The following NR4A3 variants were observed in gnomAD, a reference collection of about 807,000 sequenced individuals.
The protein encoded by NR4A3 is nuclear receptor subfamily 4 group A member 3.
Under a neutral mutation model 55.6 loss-of-function variants are expected in NR4A3, and 13 were observed. That is an observed-to-expected ratio of 0.23 (90% CI 0.15 to 0.37). The LOEUF (loss-of-function observed/expected upper bound fraction) is 0.37, where lower values mean the gene tolerates loss of function less well. Among genes scored for constraint, NR4A3 ranks in the 10% least tolerant of loss-of-function variants. NR4A3 has a pLI of 1.00. For missense variants in NR4A3, 646 were observed against 822.8 expected, an observed-to-expected ratio of 0.79 and a Z score of 2.63; for synonymous variants, 342 against 357.9, an observed-to-expected ratio of 0.96 and a Z score of 0.50.
chr9:99,834,776 GC>G, intron 5 of NR4A3: 1 of 985,250 alleles, frequency 1.0e-6, no homozygotes, highest in Non-Finnish European at 1.2e-6. Context: ...AGGCTGCGAA[GC>G]CTCCTCTCTG....
rs890382191 is a variant in NR4A3 at position 99,824,375 on chromosome 9, G to A, written c.-176-1284G>A. On this transcript the variant is annotated intron_variant, in intron 1 of 7. Coordinates refer to ENST00000395097, the MANE Select transcript of NR4A3 (RefSeq NM_006981.4). ...ACGGGAATGCGGGCACCCACTGAAG[G>A]GGCGGGTGGGGGATTGCTGGAGACC... Among the ~76,000 whole-genome samples the A allele has an allele frequency of 4.6e-5, 7 of 152,362 alleles. No individual in the cohort carries two copies. In the South Asian group the frequency reaches 1.0e-3, roughly 23 times the overall value.
chr9:99,860,534 CT>C (rs1205467238), intron 7 of NR4A3, among the ~76,000 whole-genome samples: 1 of 152,154 alleles, frequency 6.6e-6, no homozygotes, highest in Non-Finnish European at 1.5e-5. Flanking sequence ...ACAGCCTGTT[CT>C]TTTGTTTTGG....
chr9:99,844,617 G>A (rs1827720572), intron 5 of NR4A3, 32 bp from the exon 6 acceptor site: 11 of 1,590,116 alleles, frequency 6.9e-6, no homozygotes, highest in Non-Finnish European at 9.5e-6. Flanking sequence ...ACTGAAGCAG[G>A]ATAATGCTGC....
chr9:99,851,383 G>A (rs1357188504), intron 7 of NR4A3, among the ~76,000 whole-genome samples: 1 of 151,966 alleles, frequency 6.6e-6, no homozygotes, highest in Non-Finnish European at 1.5e-5. Context: ...GTATCAGCTG[G>A]GCTATTTACA....
At chr9:99,858,026 G>A (rs1025207063) in intron 7 of NR4A3, among the ~76,000 whole-genome samples, 2 of 152,094 alleles carry the variant, frequency 1.3e-5, no homozygotes, top group African/African-American at 4.8e-5. Flanking sequence ...CTATGTACTA[G>A]GCTTGGTGCT....
chr9:99,849,797 G>A (rs1827817783), intron 7 of NR4A3, among the ~76,000 whole-genome samples: 1 of 152,318 alleles, frequency 6.6e-6, no homozygotes, highest in Admixed American at 6.5e-5. Flanking sequence ...ATGTCATTGG[G>A]TTTTCAGAGA....
rs114768226 is a variant in NR4A3 at position 99,858,526 on chromosome 9, G to C, written c.1634-5094G>C. ...TTATAACATCGCTTGCCACAGAATA[G>C]GTGTTCAATAAATATTTGTTGAAAG... On this transcript the variant is annotated intron_variant, in intron 7 of 7. Transcript: ENST00000395097. Among the ~76,000 whole-genome samples, 328 of 152,332 alleles carry C rather than the reference G, an allele frequency of 2.2e-3. 1 individual carries two copies. Among genetic ancestry groups the C allele is most frequent in the African/African-American group, 7.5e-3 (311 of 41,580 alleles).
intron 5 of NR4A3, among the ~76,000 whole-genome samples, chr9:99,843,776 C>CA (rs1827699241): frequency 6.7e-6 from 1 of 148,482 alleles, no homozygotes; most frequent in African/African-American, 2.5e-5. Context: ...TTTTTGGAGA[C>CA]AGAGTGCCAC....
At position 99,833,391 on chromosome 9, in the gene NR4A3, C is replaced by T. The variant is rs753117831; in HGVS notation, c.1191C>T (p.Cys397=). 2 of 1,614,126 alleles carry T rather than the reference C, an allele frequency of 1.2e-6. No individual in the cohort carries two copies. The highest frequency in any genetic ancestry group is 1.7e-6 in the Non-Finnish European group (2 of 1,179,978). The part of the protein sequence containing the change: ...SQPSPPSPPI[C]MMNALVRALT... Reference sequence around the variant, plus strand: ...CCTCTCCACCTTCTCCTCCAATCTGCATGATGAATGCCCTTGTCCGAGCTT... The same window carrying T: ...CCTCTCCACCTTCTCCTCCAATCTGTATGATGAATGCCCTTGTCCGAGCTT... Residue 397 remains cysteine, a synonymous_variant, in exon 5 of 8, where the codon TGC becomes TGT. Transcript: ENST00000395097.
At chr9:99,834,934 TA>T in intron 5 of NR4A3, 1 of 984,816 alleles carries the variant, frequency 1.0e-6, no homozygotes, top group Non-Finnish European at 1.2e-6. Context: ...ATAATAAGAC[TA>T]AGTTAACAGT....
Position 99,828,541 on chromosome 9 carries a change from A to G in NR4A3, c.499A>G (p.Ile167Val). Residue 167 changes from isoleucine to valine, a missense_variant, in exon 3 of 8, where the codon ATC becomes GTC. Physicochemically the swap from Ile to Val is conservative, Grantham distance 29 (BLOSUM62 3). Around this residue, in one of 5 missense-constraint regions of NR4A3, gnomAD observed 426 missense variants for 429.4 expected, o/e 0.99. Coordinates refer to ENST00000395097, the MANE Select transcript of NR4A3 (RefSeq NM_006981.4). The surrounding 1 kb of genome is among the most constrained non-coding windows in gnomAD (Gnocchi z 7.7). ...GGCACTGCCCTCGGCGCCCGGCTGC[A>G]TCGCACCCGGCCCGCTGCTGGACCC... ...DEALPSAPGC[I>V]APGPLLDPPM... 6.4e-7 allele frequency: 1 copy of G among 1,557,860 alleles called. No individual in the cohort carries two copies. The highest frequency in any genetic ancestry group is 2.3e-5 in the East Asian group (1 of 43,228).
Position 99,828,066 on chromosome 9 carries a change from T to C in NR4A3, c.24T>C (p.Tyr8=). 4 of 1,613,948 alleles carry C rather than the reference T, an allele frequency of 2.5e-6. No individual in the cohort carries two copies. The highest frequency in any genetic ancestry group is 1.7e-6 in the Non-Finnish European group (2 of 1,179,946). MPCVQAQ[Y]SPSPPGSSYA... is the part of the protein sequence containing the mutation. ...ATATGCCCTGCGTCCAAGCCCAATA[T>C]AGCCCTTCCCCTCCAGGTTCCAGTT... is the stretch of plus-strand genomic sequence containing the variant. Residue 8 remains tyrosine (Y), a synonymous_variant, in exon 3 of 8, where the codon TAT becomes TAC. Transcript: ENST00000395097. The surrounding 1 kb of genome is among the most constrained non-coding windows in gnomAD (Gnocchi z 7.7).
At position 99,825,728 on chromosome 9, in the gene NR4A3, G is replaced by C. The variant is rs541895603; in HGVS notation, c.-107G>C. The C allele has an allele frequency of 6.2e-6, 1 of 161,642 alleles. No homozygotes were observed. The highest frequency in any genetic ancestry group is 2.0e-4 in the South Asian group (1 of 4,912). 10.0% of individuals were successfully genotyped at this position (161,642 alleles called of 1,614,324 possible). A position where few individuals can be genotyped will look rare whatever the true frequency, so the allele number is the denominator to read the frequency against. On this transcript the variant is annotated 5_prime_UTR_variant, in exon 2 of 8. Transcript: ENST00000395097. The surrounding 1 kb of genome is among the most constrained non-coding windows in gnomAD (Gnocchi z 5.0). ...CCTGGACCCTTAGCGGTGCCGGGCA[G>C]CACTGCCGGCGCTTCGCCTCGCCGG... is the stretch of plus-strand genomic sequence containing the variant.
chr9:99,863,461 A>T (rs766103028), intron 7 of NR4A3, among the ~76,000 whole-genome samples, 159 bp from the exon 8 acceptor site: 12 of 152,186 alleles, frequency 7.9e-5, no homozygotes, highest in South Asian at 2.1e-4. Context: ...GTGTTGCTTC[A>T]TACCAAAGGC....
At position 99,827,249 on chromosome 9, in the gene NR4A3, G is replaced by GAT. The variant is rs1163229364; in HGVS notation, c.-2-783_-2-782dup. On this transcript the variant is annotated intron_variant, in intron 2 of 7. Transcript: ENST00000395097. ...GATATGTTTTATTAGTTAGAATTGG[G>GAT]ATATATATATGTGTGTGTGTGTGTG... Among the ~76,000 whole-genome samples the GAT allele has an allele frequency of 1.1e-4, 16 of 146,702 alleles. No individual in the cohort carries two copies. In the South Asian group the frequency reaches 1.1e-3, roughly 10 times the overall value.
chr9:99,861,252 G>A (rs1828004671), intron 7 of NR4A3, among the ~76,000 whole-genome samples: 1 of 152,212 alleles, frequency 6.6e-6, no homozygotes, highest in Non-Finnish European at 1.5e-5. Flanking sequence ...AGGTGCAGTG[G>A]TGCATGCCTG....
chr9:99,861,053 G>A lies in NR4A3; in HGVS notation c.1634-2567G>A, dbSNP rs1828000590. Among the ~76,000 whole-genome samples the A allele has an allele frequency of 2.0e-5, 3 of 152,222 alleles. No individual in the cohort carries two copies. The South Asian group carries it at 6.2e-4, about 32-fold the overall frequency. On this transcript the variant is annotated intron_variant, in intron 7 of 7. Transcript: ENST00000395097. ...TCCTGTGAAGACATTGAGCCTTAGA[G>A]AAATTAGGTCACCCAGCTAGTAAAT...
chr9:99,826,313 A>C (rs1319466399), intron 2 of NR4A3, among the ~76,000 whole-genome samples: 1 of 152,228 alleles, frequency 6.6e-6, no homozygotes, highest in East Asian at 1.9e-4. Context: ...GTTTGGCAAA[A>C]GAACAGATTG....
At chr9:99,842,373 G>T (rs993918329) in intron 5 of NR4A3, among the ~76,000 whole-genome samples, 1 of 152,170 alleles carries the variant, frequency 6.6e-6, no homozygotes, top group African/African-American at 2.4e-5. Context: ...ACTGTTGACA[G>T]AAACATAGGA....
Sources: gnomAD v4.1 joint callset for allele counts (sites outside exome capture counted in the v4.1 genomes callset) on GRCh38, gnomAD v4.1.1 for gene constraint, gnomAD v4.1.1 regional missense constraint, Gnocchi (gnomAD v3.1) non-coding constraint, MANE v1.5 for transcripts, NCBI Gene and HGNC (gene_info 2026-07-23, HGNC 2026-07-21) for gene names.